The following BMP7 variants were observed in gnomAD, a reference collection of about 807,000 sequenced individuals.
The protein encoded by BMP7 is osteogenic protein 1.
A neutral mutation model predicts 41.2 loss-of-function variants in BMP7; 12 were observed. That is an observed-to-expected ratio of 0.29 (90% confidence interval 0.19 to 0.47). The LOEUF (loss-of-function observed/expected upper bound fraction) is 0.47. Among genes scored for constraint, BMP7 ranks in the 20% least tolerant of loss-of-function variants. The pLI is 0.99. For synonymous variants in BMP7, 248 were observed against 250.0 expected, an observed-to-expected ratio of 0.99 and a Z score of 0.07; for missense variants, 467 against 606.0, an observed-to-expected ratio of 0.77 and a Z score of 2.41.
chr20:57,232,545 T>C (rs1326110591), intron 1 of BMP7, among the ~76,000 whole-genome samples: 6 of 152,024 alleles, frequency 3.9e-5, no homozygotes, highest in Admixed American at 2.6e-4. Flanking sequence ...AAACACAAGG[T>C]TTGTTACAAC....
intron 5 of BMP7, 67 bp from the exon 6 acceptor site, chr20:57,173,377 G>A: frequency 6.7e-7 from 1 of 1,492,668 alleles, no homozygotes; most frequent in Non-Finnish European, 9.3e-7. Context: ...CAACCCCCAT[G>A]CTGGCCAGAA....
At chr20:57,195,217 GC>G (rs1431553509) in intron 3 of BMP7, among the ~76,000 whole-genome samples, 1 of 152,226 alleles carries the variant, frequency 6.6e-6, no homozygotes, top group Non-Finnish European at 1.5e-5. Flanking sequence ...AGGGGATGCA[GC>G]CCACCCACGC....
chr20:57,209,249 T>TA (rs1555814048), intron 2 of BMP7, among the ~76,000 whole-genome samples: 4,144 of 94,734 alleles, frequency 0.044, 160 homozygotes, highest in Non-Finnish European at 0.057. Context: ...TTATATATTT[T>TA]TATATATATA....
intron 3 of BMP7, among the ~76,000 whole-genome samples, chr20:57,194,945 G>A (rs963311546): frequency 2.0e-5 from 3 of 152,222 alleles, no homozygotes; most frequent in Non-Finnish European, 4.4e-5. Context: ...GACTGCCCAG[G>A]CATAGATGTA....
intron 3 of BMP7, among the ~76,000 whole-genome samples, chr20:57,186,182 G>A (rs1383374019): frequency 6.6e-6 from 1 of 152,216 alleles, no homozygotes; most frequent in Non-Finnish European, 1.5e-5. Flanking sequence ...AGCCTGACAA[G>A]CAATGTGAAG....
intron 4 of BMP7, among the ~76,000 whole-genome samples, chr20:57,176,958 T>A (rs1314476813): frequency 6.6e-6 from 1 of 152,172 alleles, no homozygotes; most frequent in Non-Finnish European, 1.5e-5. Flanking sequence ...AAGAAGGACA[T>A]CGCCGAACTC....
intron 3 of BMP7, among the ~76,000 whole-genome samples, chr20:57,189,615 C>T (rs927791623): frequency 1.3e-5 from 2 of 152,296 alleles, no homozygotes; most frequent in Admixed American, 6.5e-5. Flanking sequence ...CATATTTCCA[C>T]GTCGATGAAA....
At position 57,228,947 on chromosome 20, in the gene BMP7, T is replaced by C. The variant is rs2066018559; in HGVS notation, c.419-526A>G. 1.3e-5 allele frequency among the ~76,000 whole-genome samples: 2 copies of C among 152,204 alleles called. No homozygotes were observed. Among genetic ancestry groups the C allele is most frequent in the South Asian group, 4.1e-4 (2 of 4,830 alleles). On this transcript the variant is annotated intron_variant, in intron 1 of 6. Coordinates refer to ENST00000395863, the MANE Select transcript of BMP7 (RefSeq NM_001719.3). The surrounding 1 kb of genome is among the most constrained non-coding windows in gnomAD (Gnocchi z 4.5). Reference sequence around the variant, plus strand: ...TAGCTATTGTTGGTAAGCATAAACCTTACTGTGCCTAGTATGAGACATCTC... The same window carrying C: ...TAGCTATTGTTGGTAAGCATAAACCCTACTGTGCCTAGTATGAGACATCTC...
Position 57,173,298 on chromosome 20 carries a change from C to T in BMP7, c.1048G>A (p.Ala350Thr), listed in dbSNP as rs1258054670. Residue 350 changes from alanine to threonine, a missense_variant, in exon 6 of 7, where the codon GCG (alanine) becomes ACG (threonine). By Grantham distance (58) the Ala-to-Thr change is moderately conservative. Transcript: ENST00000395863. Reference sequence around the variant, plus strand: ...TAGTAGGCGGCGTAGCCTTCAGGCGCGATGATCCAGTCCTGAGGAGGAGAA... The same window carrying T: ...TAGTAGGCGGCGTAGCCTTCAGGCGTGATGATCCAGTCCTGAGGAGGAGAA... ...RDLGWQDWIIAPEGYAAYYCE... is the reference protein window; with the variant it reads ...RDLGWQDWIITPEGYAAYYCE... 10 of 1,613,926 alleles carry T rather than the reference C, an allele frequency of 6.2e-6. No homozygotes were observed. The highest frequency in any genetic ancestry group is 2.7e-5 in the African/African-American group (2 of 74,906).
chr20:57,212,078 C>T (rs1383170771), intron 2 of BMP7, among the ~76,000 whole-genome samples: 2 of 152,180 alleles, frequency 1.3e-5, no homozygotes, highest in African/African-American at 2.4e-5. Context: ...AGAGGCTGGG[C>T]GTGCGTAGCA....
At chr20:57,265,042 A>AAAAAAAAAAAAAAAAAAAAAG (rs1555819055) in intron 1 of BMP7, among the ~76,000 whole-genome samples, 1 of 120,154 alleles carries the variant, frequency 8.3e-6, no homozygotes, top group Non-Finnish European at 1.6e-5. Flanking sequence ...AAAAAAAAAA[A>AAAAAAAAAAAAAAAAAAAAAG]AAAAGAAAAG....
At chr20:57,247,080 A>G (rs2123137167) in intron 1 of BMP7, among the ~76,000 whole-genome samples, 1 of 152,320 alleles carries the variant, frequency 6.6e-6, no homozygotes, top group East Asian at 1.9e-4. Context: ...AATGGCTAAC[A>G]TAGCTGTAAT....
intron 2 of BMP7, among the ~76,000 whole-genome samples, chr20:57,205,218 C>A (rs147900179): frequency 6.8e-4 from 103 of 152,296 alleles, no homozygotes; most frequent in African/African-American, 2.4e-3. Context: ...ATGACAGAAG[C>A]AAGGAAGTCT....
At chr20:57,198,673 C>T (rs1984557621) in intron 3 of BMP7, among the ~76,000 whole-genome samples, 1 of 152,162 alleles carries the variant, frequency 6.6e-6, no homozygotes, top group Non-Finnish European at 1.5e-5. Flanking sequence ...GGCACCTCCG[C>T]ACTTTGACCT....
chr20:57,175,985 C>A (rs1395008995), intron 4 of BMP7, among the ~76,000 whole-genome samples: 2 of 152,218 alleles, frequency 1.3e-5, no homozygotes, highest in African/African-American at 4.8e-5. Context: ...CCAATGTCAC[C>A]TTCTCAAAGA....
intron 3 of BMP7, among the ~76,000 whole-genome samples, chr20:57,192,807 CAT>C (rs1224332574): frequency 6.6e-6 from 1 of 150,464 alleles, no homozygotes; most frequent in Admixed American, 6.6e-5. Context: ...TTCAGATAAA[CAT>C]ATAATGTTTG....
chr20:57,245,666 T>C (rs1438187135), intron 1 of BMP7, among the ~76,000 whole-genome samples: 1 of 137,932 alleles, frequency 7.2e-6, no homozygotes, highest in African/African-American at 2.9e-5. Flanking sequence ...TGAGACAGAG[T>C]CTTGCTCTGT....
intron 5 of BMP7, chr20:57,173,575 C>G (rs1983857945): frequency 3.5e-6 from 2 of 570,854 alleles, no homozygotes; most frequent in Middle Eastern, 4.7e-4. Flanking sequence ...CGGCTCAAAG[C>G]TGCGGTGAGC....
chr20:57,236,206 G>A (rs2066046943), intron 1 of BMP7, among the ~76,000 whole-genome samples: 1 of 152,198 alleles, frequency 6.6e-6, no homozygotes, highest in South Asian at 2.1e-4. Flanking sequence ...CTAGGGGAAG[G>A]AACAAGACAA....
Sources: gnomAD v4.1 joint callset for allele counts (sites outside exome capture counted in the v4.1 genomes callset) on GRCh38, gnomAD v4.1.1 for gene constraint, Gnocchi (gnomAD v3.1) non-coding constraint, MANE v1.5 for transcripts, NCBI Gene and HGNC (gene_info 2026-07-23, HGNC 2026-07-21) for gene names.